PKIB: variants seen among roughly 807,000 people sequenced by gnomAD.
PKIB encodes the protein PKI-beta.
PKIB carries 2 observed loss-of-function variants against 4.5 expected under a neutral mutation model. That is an observed-to-expected ratio of 0.44 (90% CI 0.18 to 1.39). The LOEUF is 1.39. PKIB is among the 40% of genes most tolerant of loss of function. The probability of loss-of-function intolerance (pLI) is 0.27; values close to 1 mark genes in which losing one functional copy is unlikely to be tolerated. For synonymous variants in PKIB, 38 were observed against 36.0 expected (o/e 1.06, Z -0.20); for missense variants, 94 against 92.6 (o/e 1.02, Z -0.06).
intron 2 of PKIB, among the ~76,000 whole-genome samples, chr6:122,553,481 C>CTTTTTTTTTGTTTTTTTTT (rs1772746973): frequency 1.5e-5 from 1 of 65,838 alleles, no homozygotes; most frequent in Non-Finnish European, 2.7e-5. Context: ...CAAATATCTT[C>CTTTTTTTTTGTTTTTTTTT]TTTTTTTTTT....
At chr6:122,544,560 C>A (rs764541728) in intron 2 of PKIB, among the ~76,000 whole-genome samples, 1 of 151,858 alleles carries the variant, frequency 6.6e-6, no homozygotes, top group Non-Finnish European at 1.5e-5. Flanking sequence ...GAGATTTGGG[C>A]GTGGATATTA....
chr6:122,690,933 T>TG (rs397788048), intron 3 of PKIB, among the ~76,000 whole-genome samples: 1 of 112,468 alleles, frequency 8.9e-6, no homozygotes, highest in Non-Finnish European at 2.0e-5. Flanking sequence ...TATATATATA[T>TG]TTTTTTTTTT....
intron 2 of PKIB, among the ~76,000 whole-genome samples, chr6:122,505,063 G>A (rs1776355609): frequency 6.6e-6 from 1 of 152,182 alleles, no homozygotes; most frequent in Non-Finnish European, 1.5e-5. Flanking sequence ...CAGTGACAGG[G>A]AGGCAGTACG....
At chr6:122,535,352 G>A (rs922816346) in intron 2 of PKIB, among the ~76,000 whole-genome samples, 7 of 152,014 alleles carry the variant, frequency 4.6e-5, no homozygotes, top group African/African-American at 1.4e-4. Context: ...CCTAAAAAAG[G>A]TTCAATTATG....
At chr6:122,530,773 A>G (rs2114616334) in intron 2 of PKIB, among the ~76,000 whole-genome samples, 1 of 152,316 alleles carries the variant, frequency 6.6e-6, no homozygotes, top group East Asian at 1.9e-4. Flanking sequence ...AAACCAGAAC[A>G]TTGGAAACGT....
intron 2 of PKIB, among the ~76,000 whole-genome samples, chr6:122,506,816 C>A (rs892870657): frequency 6.7e-5 from 10 of 149,906 alleles, no homozygotes; most frequent in Admixed American, 4.7e-4. Context: ...TCTCCTGCCT[C>A]AGCCTCCCGA....
chr6:122,621,199 ATAT>A (rs1483476816), intron 1 of PKIB, among the ~76,000 whole-genome samples: 1 of 152,184 alleles, frequency 6.6e-6, no homozygotes, highest in African/African-American at 2.4e-5. Flanking sequence ...CCTGTCTCTG[ATAT>A]TATAGGTTAA....
intron 3 of PKIB, among the ~76,000 whole-genome samples, chr6:122,691,597 G>A (rs892482237): frequency 1.7e-4 from 25 of 145,598 alleles, no homozygotes; most frequent in African/African-American, 5.9e-4. Context: ...GCTTCCCTGT[G>A]TTATCTTGAT....
At chr6:122,560,785 C>T (rs1231709273) in intron 2 of PKIB, among the ~76,000 whole-genome samples, 2 of 151,800 alleles carry the variant, frequency 1.3e-5, no homozygotes, top group African/African-American at 4.8e-5. Context: ...TGTATTTTTC[C>T]AGGAATTTAT....
At chr6:122,557,670 G>A (rs1023530525) in intron 2 of PKIB, among the ~76,000 whole-genome samples, 8 of 152,184 alleles carry the variant, frequency 5.3e-5, no homozygotes, top group African/African-American at 1.7e-4. Flanking sequence ...ATGCTTGTCT[G>A]TAAATCGACA....
At chr6:122,691,275 C>A (rs1582815913) in intron 3 of PKIB, among the ~76,000 whole-genome samples, 1 of 151,994 alleles carries the variant, frequency 6.6e-6, no homozygotes. Context: ...AAACTTTCTA[C>A]CCCTGTATCT....
chr6:122,525,075 T>C (rs538903940), intron 2 of PKIB, among the ~76,000 whole-genome samples: 82 of 152,048 alleles, frequency 5.4e-4, no homozygotes, highest in African/African-American at 2.0e-3. Context: ...TTTTTAAATG[T>C]ATGCATTTAC....
chr6:122,693,197 AG>A (rs756418710), intron 3 of PKIB, among the ~76,000 whole-genome samples: 106 of 152,350 alleles, frequency 7.0e-4, no homozygotes, highest in Non-Finnish European at 4.9e-4. Flanking sequence ...CCAGAACACA[AG>A]GCTTCAAGGT....
At chr6:122,530,324 AT>A (rs1399806841) in intron 2 of PKIB, among the ~76,000 whole-genome samples, 2 of 152,026 alleles carry the variant, frequency 1.3e-5, no homozygotes, top group Non-Finnish European at 2.9e-5. Flanking sequence ...TTGGTCACAG[AT>A]TGTTTTTGGT....
chr6:122,637,474 A>T (rs1281364095), intron 2 of PKIB, among the ~76,000 whole-genome samples: 1 of 152,148 alleles, frequency 6.6e-6, no homozygotes, highest in Admixed American at 6.6e-5. Context: ...ATAAAGATGA[A>T]GGCCAGGTGC....
chr6:122,666,961 T>A (rs7748607), intron 2 of PKIB, among the ~76,000 whole-genome samples: 20 of 151,540 alleles, frequency 1.3e-4, no homozygotes, highest in African/African-American at 4.4e-4. Flanking sequence ...TTTTTTTTTT[T>A]ATGGCTTTTG....
At chr6:122,541,761 A>T (rs1221808308) in intron 2 of PKIB, among the ~76,000 whole-genome samples, 2 of 151,796 alleles carry the variant, frequency 1.3e-5, no homozygotes, top group Non-Finnish European at 2.9e-5. Context: ...TCTCCTGGAT[A>T]ATATCCTGCA....
intron 1 of PKIB, among the ~76,000 whole-genome samples, chr6:122,629,860 G>A (rs1004806497): frequency 2.0e-5 from 3 of 152,108 alleles, no homozygotes; most frequent in East Asian, 3.9e-4. Flanking sequence ...AAATGTCACA[G>A]TAAAAAGGAA....
chr6:122,550,058 G>T (rs1772629029), intron 2 of PKIB, among the ~76,000 whole-genome samples: 1 of 151,714 alleles, frequency 6.6e-6, no homozygotes, highest in African/African-American at 2.4e-5. Flanking sequence ...GGGATTACAG[G>T]TGTGTGCTGC....
Sources: gnomAD v4.1 joint callset for allele counts (sites outside exome capture counted in the v4.1 genomes callset) on GRCh38, gnomAD v4.1.1 for gene constraint, MANE v1.5 for transcripts, NCBI Gene and HGNC (gene_info 2026-07-23, HGNC 2026-07-21) for gene names.